GLMN: variants seen among roughly 807,000 people sequenced by gnomAD.
GLMN encodes glomulin, FKBP associated protein.
A neutral mutation model predicts 87.8 loss-of-function variants in GLMN; 75 were observed. The observed-to-expected ratio is 0.85, with a 90% CI of 0.71 to 1.04. The LOEUF (loss-of-function observed/expected upper bound fraction) is 1.04, where lower values mean the gene tolerates loss of function less well. Ranked by LOEUF, GLMN falls within the 50% of genes least tolerant of loss-of-function variation. GLMN has a pLI of 0.00. For synonymous variants in GLMN, 206 were observed against 221.6 expected (o/e 0.93, Z 0.63); for missense variants, 588 against 658.8 (o/e 0.89, Z 1.18).
chr1:92,312,580 A>G, the GLMN span, among the ~76,000 whole-genome samples: 8 of 152,320 alleles, frequency 5.3e-5, no homozygotes, highest in Admixed American at 1.3e-4. Flanking sequence ...TTGCCTATCC[A>G]TAAGAAGCAG....
chr1:92,367,535 A>T, the GLMN span, among the ~76,000 whole-genome samples: 1 of 152,186 alleles, frequency 6.6e-6, no homozygotes, highest in African/African-American at 2.4e-5. Flanking sequence ...ATGAGTGTTT[A>T]AAAAAATTTT....
the GLMN span, among the ~76,000 whole-genome samples, chr1:92,327,796 C>T: frequency 6.6e-6 from 1 of 151,836 alleles, no homozygotes; most frequent in African/African-American, 2.4e-5. Flanking sequence ...GTATTATTTC[C>T]AGGATTTGTT....
At chr1:92,330,180 A>G in the GLMN span, among the ~76,000 whole-genome samples, 1 of 152,346 alleles carries the variant, frequency 6.6e-6, no homozygotes, top group African/African-American at 2.4e-5. Flanking sequence ...TGCAGCCCAT[A>G]CAGATCAGCC....
intron 7 of GLMN, among the ~76,000 whole-genome samples, chr1:92,283,648 G>T (rs1336739898): frequency 2.6e-5 from 4 of 152,102 alleles, no homozygotes; most frequent in African/African-American, 9.7e-5. Context: ...AGAAATAAAG[G>T]GTATTTGATT....
the GLMN span, among the ~76,000 whole-genome samples, chr1:92,362,252 T>C: frequency 2.2e-3 from 342 of 152,338 alleles, 1 homozygote; most frequent in African/African-American, 7.8e-3. Context: ...TTGTATATTA[T>C]AGAGACTCAA....
intron 1 of GLMN, among the ~76,000 whole-genome samples, chr1:92,298,709 G>T (rs972848201): frequency 1.3e-5 from 2 of 152,170 alleles, no homozygotes; most frequent in African/African-American, 4.8e-5. Flanking sequence ...GCGCGAGTCA[G>T]CCCGGTCCTC....
chr1:92,320,741 T>C, the GLMN span: 1 of 772,390 alleles, frequency 1.3e-6, no homozygotes, highest in Non-Finnish European at 2.1e-6. Flanking sequence ...TGATGCATTA[T>C]GTAAGTGTCC....
intron 7 of GLMN, among the ~76,000 whole-genome samples, chr1:92,283,133 C>T (rs1280547826): frequency 2.0e-5 from 3 of 152,008 alleles, no homozygotes; most frequent in South Asian, 2.1e-4. Flanking sequence ...TTTAGGAGGC[C>T]GGCATCATCC....
chr1:92,305,432 C>CAAAAAAAAAAAA, the GLMN span, among the ~76,000 whole-genome samples: 121 of 52,650 alleles, frequency 2.3e-3, 10 homozygotes, highest in African/African-American at 0.012. Flanking sequence ...GGCTCCGTCT[C>CAAAAAAAAAAAA]AAAAAAAAAA....
the GLMN span, among the ~76,000 whole-genome samples, chr1:92,334,390 T>C: frequency 6.6e-6 from 1 of 152,182 alleles, no homozygotes. Context: ...AAATAAAATA[T>C]GTTGTATATT....
upstream of GLMN, chr1:92,299,131 T>C (rs1237871744): frequency 6.6e-7 from 1 of 1,519,502 alleles, no homozygotes; most frequent in Non-Finnish European, 8.8e-7. Flanking sequence ...TCCCCGCTGC[T>C]CTCGAAAAGC....
the GLMN span, among the ~76,000 whole-genome samples, chr1:92,366,255 A>G: frequency 6.6e-6 from 1 of 152,166 alleles, no homozygotes; most frequent in Non-Finnish European, 1.5e-5. Context: ...GTGAGCTGTG[A>G]TTGCACCACT....
intron 4 of GLMN, 28 bp from the exon 5 acceptor site, chr1:92,290,334 T>TA: frequency 7.7e-7 from 1 of 1,290,494 alleles, no homozygotes; most frequent in Non-Finnish European, 1.1e-6. Flanking sequence ...ATTGAACCTG[T>TA]TTAATACAAG....
intron 11 of GLMN, among the ~76,000 whole-genome samples, chr1:92,267,390 TA>T (rs1287182259): frequency 6.6e-6 from 1 of 152,228 alleles, no homozygotes; most frequent in Non-Finnish European, 1.5e-5. Flanking sequence ...CGTGTTTAAA[TA>T]AATTAAAATT....
chr1:92,291,273 T>C, intron 4 of GLMN, 145 bp downstream of exon 4: 1 of 730,652 alleles, frequency 1.4e-6, no homozygotes, highest in Non-Finnish European at 2.3e-6. Flanking sequence ...ATCCAATCAA[T>C]AAGACTGGGT....
At chr1:92,316,122 A>G in the GLMN span, among the ~76,000 whole-genome samples, 2 of 152,178 alleles carry the variant, frequency 1.3e-5, no homozygotes, top group African/African-American at 4.8e-5. Flanking sequence ...AAGAAGGACA[A>G]ATGTGGAAAA....
At chr1:92,268,255 G>A (rs896484299) in intron 9 of GLMN, 120 bp from the exon 10 acceptor site, 1 of 639,810 alleles carries the variant, frequency 1.6e-6, no homozygotes, top group African/African-American at 1.8e-5. Context: ...TATCATTAAG[G>A]AGAAATTCTG....
In GLMN at chr1:92,271,495, A is replaced by C. The variant is rs1289049699; in HGVS notation, c.893T>G (p.Ile298Ser). 1 of 1,613,244 alleles carries C rather than the reference A, an allele frequency of 6.2e-7. No individual in the cohort carries two copies. The highest frequency in any genetic ancestry group is 1.1e-5 in the South Asian group (1 of 91,058). ...GACCATTGGAAGCTGATCAATATGG[A>C]TGCCCTGTACAAATACTAGATATGC... ...SLAYLVFVQG[I>S]HIDQLPMVLS... Residue 298 changes from isoleucine (I) to serine (S), a missense_variant, in exon 8 of 19, where the codon ATC (isoleucine) becomes AGC (serine). Ile to Ser is a moderately radical substitution (Grantham distance 142). Coordinates refer to ENST00000370360, the MANE Select transcript of GLMN (RefSeq NM_053274.3).
the GLMN span, among the ~76,000 whole-genome samples, chr1:92,340,886 A>G: frequency 1.3e-5 from 2 of 152,196 alleles, no homozygotes; most frequent in South Asian, 2.1e-4. Flanking sequence ...TTGAATCAAG[A>G]TATTTTTCTA....
Sources: allele counts gnomAD v4.1 joint callset (sites outside exome capture counted in the v4.1 genomes callset), GRCh38; gene constraint gnomAD v4.1.1; transcripts MANE v1.5; gene names NCBI Gene and HGNC (gene_info 2026-07-23, HGNC 2026-07-21).